Variants in SPTBN1 observed in about 807,000 individuals in gnomAD.
SPTBN1 encodes spectrin beta chain, non-erythrocytic 1.
In SPTBN1, 32 loss-of-function variants were observed where a neutral mutation model predicts 266.4. The ratio of observed to expected loss-of-function variants is 0.12; its 90% CI spans 0.09 to 0.16. The LOEUF (loss-of-function observed/expected upper bound fraction) is 0.16. Among genes scored for constraint, SPTBN1 ranks in the 10% least tolerant of loss-of-function variants. The pLI is 1.00. For synonymous variants in SPTBN1, 1,336 were observed against 1,162.2 expected, an observed-to-expected ratio of 1.15 and a Z score of -3.04; for missense variants, 2,296 against 3,067.1, an observed-to-expected ratio of 0.75 and a Z score of 5.94.
intron 11 of SPTBN1, 43 bp from the exon 12 acceptor site, chr2:54,625,889 G>A (rs548185774): frequency 1.3e-6 from 2 of 1,588,042 alleles, no homozygotes; most frequent in Non-Finnish European, 1.7e-6. Context: ...CTGTGCCCGG[G>A]TGGATTTTTT....
chr2:54,651,857 C>A (rs1199200811), intron 26 of SPTBN1, among the ~76,000 whole-genome samples: 4 of 152,136 alleles, frequency 2.6e-5, no homozygotes, highest in Non-Finnish European at 5.9e-5. Flanking sequence ...GAAATCAAAT[C>A]ACACTGGAAA....
At chr2:54,552,823 A>C (rs560454195) in intron 2 of SPTBN1, among the ~76,000 whole-genome samples, 2 of 152,204 alleles carry the variant, frequency 1.3e-5, no homozygotes, top group Admixed American at 1.3e-4. Context: ...AAATGCTTAC[A>C]TGGGCGGTAC....
Position 54,646,161 on chromosome 2 carries a change from C to G in SPTBN1, c.4585-33C>G, listed in dbSNP as rs1235743734. The G allele has an allele frequency of 6.3e-7, 1 of 1,592,702 alleles. No individual in the cohort carries two copies. Among genetic ancestry groups the G allele is most frequent in the South Asian group, 1.1e-5 (1 of 88,254 alleles). On this transcript the variant is annotated intron_variant, in intron 22 of 35. Coordinates refer to ENST00000356805, the MANE Select transcript of SPTBN1 (RefSeq NM_003128.3). The surrounding 1 kb of genome is among the most constrained non-coding windows in gnomAD (Gnocchi z 4.4). ...TAAGCAGCAGACGGCTGCCATTTAG[C>G]AAGCCTTTGTGTGTATTTTCCGCTC...
chr2:54,476,562 G>A (rs1347811049), intron 1 of SPTBN1, among the ~76,000 whole-genome samples: 1 of 152,210 alleles, frequency 6.6e-6, no homozygotes, highest in Non-Finnish European at 1.5e-5. Flanking sequence ...CAGGCATTCT[G>A]GAGGTGGAGA....
chr2:54,499,518 G>T lies in SPTBN1; in HGVS notation c.-47-26854G>T, dbSNP rs144333824. Reference sequence around the variant, plus strand: ...ATTTGCTTTCAGCACTTGCTAAAACGTGGAGCCAAGGGGAGAGAATCCACC... The same window carrying T: ...ATTTGCTTTCAGCACTTGCTAAAACTTGGAGCCAAGGGGAGAGAATCCACC... On this transcript the variant is annotated intron_variant, in intron 1 of 35. Coordinates refer to ENST00000356805, the MANE Select transcript of SPTBN1 (RefSeq NM_003128.3). Among the ~76,000 whole-genome samples, 210 of 152,346 alleles carry T rather than the reference G, an allele frequency of 1.4e-3. 3 individuals are homozygous for T. In the East Asian group the frequency reaches 0.032, roughly 23 times the overall value.
intron 6 of SPTBN1, 32 bp downstream of exon 6, chr2:54,617,720 G>T (rs533022025): frequency 1.2e-6 from 2 of 1,604,086 alleles, no homozygotes; most frequent in South Asian, 2.2e-5. Context: ...TAGCAATCGT[G>T]GGGTAAAAGG....
chr2:54,630,639 G>A (rs757527065), intron 15 of SPTBN1, among the ~76,000 whole-genome samples: 1 of 152,262 alleles, frequency 6.6e-6, no homozygotes, highest in East Asian at 1.9e-4. Flanking sequence ...ATTCCTCTTC[G>A]TGACAGGCTT....
intron 2 of SPTBN1, among the ~76,000 whole-genome samples, chr2:54,586,943 A>G (rs13415949): frequency 0.043 from 6,611 of 152,040 alleles, 453 homozygotes; most frequent in African/African-American, 0.14. Flanking sequence ...AAAGAGTTCT[A>G]TTTTTCCCTC....
At chr2:54,560,531 C>G (rs748895327) in intron 2 of SPTBN1, among the ~76,000 whole-genome samples, 2 of 152,076 alleles carry the variant, frequency 1.3e-5, no homozygotes, top group Non-Finnish European at 2.9e-5. Flanking sequence ...TCTTAACTGT[C>G]CTCTCTGGAC....
chr2:54,582,598 T>G (rs1435328486), intron 2 of SPTBN1, among the ~76,000 whole-genome samples: 2 of 152,130 alleles, frequency 1.3e-5, no homozygotes, highest in African/African-American at 4.8e-5. Flanking sequence ...GGAGGATTCT[T>G]TCTGATGAGG....
Position 54,656,054 on chromosome 2 carries a change from TTTA to T in SPTBN1, c.6046+59_6046+61del. 4.2e-6 allele frequency: 6 copies of T among 1,445,642 alleles called. No homozygotes were observed. In the Middle Eastern group the frequency reaches 8.8e-4, roughly 211 times the overall value. The allele number at this position is 1,445,642 out of a possible 1,614,324, so 89.6% of individuals were successfully genotyped here. On this transcript the variant is annotated intron_variant, in intron 29 of 35. Transcript: ENST00000356805. ...TGGGTATCAATGGAAAACATGCACG[TTTA>T]TTTTCTTGCTTTAATTCATTAATGT...
intron 1 of SPTBN1, among the ~76,000 whole-genome samples, chr2:54,507,050 G>C (rs1669608679): frequency 6.6e-6 from 1 of 152,078 alleles, no homozygotes; most frequent in African/African-American, 2.4e-5. Flanking sequence ...TGGGGGCAGG[G>C]GGTGGATCTC....
At chr2:54,562,141 A>C (rs1020637089) in intron 2 of SPTBN1, among the ~76,000 whole-genome samples, 2 of 152,250 alleles carry the variant, frequency 1.3e-5, no homozygotes, top group Admixed American at 1.3e-4. Flanking sequence ...TAAAAGAGGA[A>C]TGTTGAAATA....
intron 3 of SPTBN1, among the ~76,000 whole-genome samples, chr2:54,610,916 G>C (rs1271009011): frequency 1.3e-5 from 2 of 152,186 alleles, no homozygotes; most frequent in Non-Finnish European, 2.9e-5. Context: ...CAATTTACTA[G>C]AGAGACCACG....
At chr2:54,564,393 G>A (rs1211630139) in intron 2 of SPTBN1, among the ~76,000 whole-genome samples, 1 of 152,162 alleles carries the variant, frequency 6.6e-6, no homozygotes, top group East Asian at 1.9e-4. Context: ...AAAGGGGTCT[G>A]CACAGCCTCA....
intron 1 of SPTBN1, among the ~76,000 whole-genome samples, chr2:54,511,757 G>T (rs1161138886): frequency 6.6e-6 from 1 of 151,968 alleles, no homozygotes; most frequent in Non-Finnish European, 1.5e-5. Flanking sequence ...ATCCCAGCTA[G>T]GGATTGCAGA....
intron 2 of SPTBN1, among the ~76,000 whole-genome samples, chr2:54,563,335 C>T (rs1408559090): frequency 6.6e-6 from 1 of 152,102 alleles, no homozygotes; most frequent in Non-Finnish European, 1.5e-5. Context: ...CAGATGCTGA[C>T]ACTCCGCATC....
In SPTBN1 at chr2:54,670,037, A is replaced by C. The variant is rs531897674; in HGVS notation, c.*1468A>C. ...TTGCTCAATTCTGCTGTTGCGTAAT[A>C]CAAAGGCAGCCATTGACGGTATGTG... On this transcript the variant is annotated 3_prime_UTR_variant, in exon 36 of 36. Transcript: ENST00000356805. 2 of 152,344 alleles carry C rather than the reference A, an allele frequency of 1.3e-5. No homozygotes were observed. The highest frequency in any genetic ancestry group is 4.1e-4 in the South Asian group (2 of 4,824). 9.4% of individuals were successfully genotyped at this position (152,344 alleles called of 1,614,324 possible). A position where few individuals can be genotyped will look rare whatever the true frequency, so the allele number is the denominator to read the frequency against.
intron 2 of SPTBN1, among the ~76,000 whole-genome samples, chr2:54,573,234 G>A (rs374313268): frequency 6.6e-6 from 1 of 152,166 alleles, no homozygotes; most frequent in East Asian, 1.9e-4. Context: ...AGCCTTTTTG[G>A]CACCAGGGAC....
Sources: allele counts gnomAD v4.1 joint callset (sites outside exome capture counted in the v4.1 genomes callset), GRCh38; gene constraint gnomAD v4.1.1; non-coding constraint Gnocchi (gnomAD v3.1); transcripts MANE v1.5; gene names NCBI Gene and HGNC (gene_info 2026-07-23, HGNC 2026-07-21).